Variants in PTPRD observed in about 807,000 individuals in gnomAD.
PTPRD encodes the protein protein tyrosine phosphatase receptor type D.
A neutral mutation model predicts 214.5 loss-of-function variants in PTPRD; 34 were observed. The ratio of observed to expected loss-of-function variants is 0.16; its 90% CI spans 0.12 to 0.21. The LOEUF (loss-of-function observed/expected upper bound fraction) is 0.21, where lower values mean the gene tolerates loss of function less well. Ranked by LOEUF, PTPRD falls within the 10% of genes least tolerant of loss-of-function variation. PTPRD has a pLI of 1.00. For missense variants in PTPRD, 2,545 were observed against 2,398.7 expected (o/e 1.06, Z -1.27); for synonymous variants, 1,128 against 845.7 (o/e 1.33, Z -5.79).
chr9:9,547,762 C>T (rs913622467), intron 8 of PTPRD, among the ~76,000 whole-genome samples: 19 of 147,882 alleles, frequency 1.3e-4, no homozygotes, highest in African/African-American at 4.5e-4. Context: ...AGCTATAAAA[C>T]CAAAAATCTA....
intron 5 of PTPRD, among the ~76,000 whole-genome samples, chr9:9,898,730 G>T (rs1005791909): frequency 6.6e-6 from 1 of 152,058 alleles, no homozygotes; most frequent in African/African-American, 2.4e-5. Context: ...TCTAGTTTAA[G>T]AAACCATATG....
chr9:10,211,404 T>C (rs565119695), intron 3 of PTPRD, among the ~76,000 whole-genome samples: 1 of 152,286 alleles, frequency 6.6e-6, no homozygotes, highest in East Asian at 1.9e-4. Flanking sequence ...AAATTCTGAA[T>C]ATTTAGATGG....
intron 12 of PTPRD, among the ~76,000 whole-genome samples, chr9:8,685,430 A>G (rs2097659259): frequency 6.6e-6 from 1 of 152,130 alleles, no homozygotes; most frequent in African/African-American, 2.4e-5. Context: ...ACACAGCCAC[A>G]ATGTTTCCAT....
At chr9:10,282,580 T>G (rs753125737) in intron 3 of PTPRD, among the ~76,000 whole-genome samples, 1 of 152,158 alleles carries the variant, frequency 6.6e-6, no homozygotes, top group Non-Finnish European at 1.5e-5. Flanking sequence ...ATTACCCTAA[T>G]GTTAGCTATG....
Position 9,233,491 on chromosome 9 carries a change from C to A in PTPRD, c.-202-50128G>T, listed in dbSNP as rs111984545. On this transcript the variant is annotated intron_variant, in intron 9 of 45. Transcript: ENST00000381196. ...TCTCATGTTCTTACATTTCAAAACA[C>A]AATCATGCCTTCCCAACAGTCCTCC... is the stretch of plus-strand genomic sequence containing the variant. 2.8e-3 allele frequency among the ~76,000 whole-genome samples: 429 copies of A among 152,294 alleles called. 7 individuals carry two copies. The highest frequency in any genetic ancestry group is 9.5e-3 in the African/African-American group (393 of 41,568).
At chr9:8,790,501 G>A (rs78775557) in intron 11 of PTPRD, among the ~76,000 whole-genome samples, 13,673 of 151,370 alleles carry the variant, frequency 0.09, 969 homozygotes, top group East Asian at 0.35. Flanking sequence ...CACTGTAACC[G>A]CCGCCTCCCA....
At position 9,407,514 on chromosome 9, in the gene PTPRD, G is replaced by C. The variant is rs193008370; in HGVS notation, c.-236-10032C>G. ...TAAAAGTGGATACCTCTGAATAATA[G>C]GATATGAAGAAATTTTTGTCCTATC... On this transcript the variant is annotated intron_variant, in intron 8 of 45. Transcript: ENST00000381196. 7.9e-5 allele frequency among the ~76,000 whole-genome samples: 12 copies of C among 151,726 alleles called. No individual in the cohort carries two copies. In the East Asian group the frequency reaches 2.3e-3, roughly 29 times the overall value.
At chr9:9,372,372 CT>C (rs2059755098) in intron 9 of PTPRD, among the ~76,000 whole-genome samples, 1 of 152,040 alleles carries the variant, frequency 6.6e-6, no homozygotes, top group Non-Finnish European at 1.5e-5. Context: ...ATGTAATGGC[CT>C]TCTTTGTCTC....
intron 2 of PTPRD, among the ~76,000 whole-genome samples, chr9:10,561,630 A>G (rs960168387): frequency 1.3e-5 from 2 of 152,174 alleles, no homozygotes; most frequent in Admixed American, 1.3e-4. Flanking sequence ...GTGGTGATTC[A>G]GTTCAAAGTG....
chr9:10,329,794 G>A (rs1156822267), intron 3 of PTPRD, among the ~76,000 whole-genome samples: 1 of 151,652 alleles, frequency 6.6e-6, no homozygotes, highest in African/African-American at 2.4e-5. Context: ...CATTTTGTAT[G>A]CTTTTTCTAT....
intron 2 of PTPRD, among the ~76,000 whole-genome samples, chr9:10,569,555 T>G (rs960152227): frequency 6.6e-6 from 1 of 151,944 alleles, no homozygotes; most frequent in African/African-American, 2.4e-5. Flanking sequence ...ATATACAGGC[T>G]TTTTACCTCC....
chr9:9,851,464 G>A (rs894751121), intron 5 of PTPRD, among the ~76,000 whole-genome samples: 1 of 152,208 alleles, frequency 6.6e-6, no homozygotes, highest in East Asian at 1.9e-4. Flanking sequence ...TTTGGTTCAA[G>A]TGAAGTTACA....
intron 3 of PTPRD, among the ~76,000 whole-genome samples, chr9:10,091,291 A>G (rs1487435704): frequency 6.6e-6 from 1 of 151,486 alleles, no homozygotes; most frequent in Admixed American, 6.6e-5. Flanking sequence ...GGATGTCCCA[A>G]TAGTAAAAGG....
intron 5 of PTPRD, among the ~76,000 whole-genome samples, chr9:9,839,950 TAA>T (rs1488799989): frequency 6.6e-6 from 1 of 152,126 alleles, no homozygotes; most frequent in African/African-American, 2.4e-5. Flanking sequence ...TTTGTATATA[TAA>T]ATAGTACTAA....
chr9:10,382,618 G>T (rs1024455512), intron 2 of PTPRD, among the ~76,000 whole-genome samples: 7 of 151,802 alleles, frequency 4.6e-5, no homozygotes, highest in African/African-American at 1.7e-4. Flanking sequence ...AACAATGTTT[G>T]CTTAAAATAA....
chr9:8,721,965 T>G (rs182213305), intron 12 of PTPRD, among the ~76,000 whole-genome samples: 4 of 152,362 alleles, frequency 2.6e-5, no homozygotes, highest in Admixed American at 2.6e-4. Flanking sequence ...TTGGGTGATT[T>G]TGCCCCCCTC....
chr9:10,398,142 G>A (rs527717871), intron 2 of PTPRD, among the ~76,000 whole-genome samples: 1 of 151,658 alleles, frequency 6.6e-6, no homozygotes, highest in African/African-American at 2.4e-5. Context: ...ACTTGGGAAG[G>A]TGGAGGCCAG....
At chr9:10,545,237 G>T (rs1302294834) in intron 2 of PTPRD, among the ~76,000 whole-genome samples, 2 of 152,130 alleles carry the variant, frequency 1.3e-5, no homozygotes, top group African/African-American at 4.8e-5. Flanking sequence ...TACTCAAAAG[G>T]TACTGATGGA....
chr9:10,040,822 T>G (rs1257430170), intron 3 of PTPRD, among the ~76,000 whole-genome samples: 1 of 152,200 alleles, frequency 6.6e-6, no homozygotes, highest in East Asian at 1.9e-4. Flanking sequence ...AATTGAAATG[T>G]GTTCTTCCAT....
Sources: gnomAD v4.1 joint callset for allele counts (sites outside exome capture counted in the v4.1 genomes callset) on GRCh38, gnomAD v4.1.1 for gene constraint, MANE v1.5 for transcripts, NCBI Gene and HGNC (gene_info 2026-07-23, HGNC 2026-07-21) for gene names.